The following ESRRG variants were observed in gnomAD, a reference collection of about 807,000 sequenced individuals.
The protein encoded by ESRRG is estrogen related receptor gamma.
In ESRRG, 13 loss-of-function variants were observed where a neutral mutation model predicts 44.0. The ratio of observed to expected loss-of-function variants is 0.30; its 90% CI spans 0.19 to 0.47. The LOEUF (loss-of-function observed/expected upper bound fraction) is 0.47, where lower values mean the gene tolerates loss of function less well. Ranked by LOEUF, ESRRG falls within the 20% of genes least tolerant of loss-of-function variation. ESRRG has a pLI of 1.00. For missense variants in ESRRG, 395 were observed against 580.6 expected (o/e 0.68, Z 3.29); for synonymous variants, 215 against 214.6 (o/e 1.00, Z -0.02).
intron 2 of ESRRG, among the ~76,000 whole-genome samples, chr1:216,759,421 A>G (rs1340236403): frequency 6.6e-6 from 1 of 152,060 alleles, no homozygotes; most frequent in Non-Finnish European, 1.5e-5. Context: ...AAACCTCCTA[A>G]GGGTCTCCTC....
At chr1:217,076,865 C>T (rs1214455003) in intron 1 of ESRRG, 1 of 152,196 alleles carries the variant, frequency 6.6e-6, no homozygotes, top group African/African-American at 2.4e-5. Flanking sequence ...TGAAAATCCA[C>T]AAGTCACCAC....
chr1:216,931,230 A>G (rs1313019330), intron 2 of ESRRG, among the ~76,000 whole-genome samples: 1 of 152,104 alleles, frequency 6.6e-6, no homozygotes. Flanking sequence ...TCCATCCCTA[A>G]TCATTTTGGG....
intron 1 of ESRRG, among the ~76,000 whole-genome samples, chr1:216,981,601 T>C (rs892580098): frequency 2.6e-5 from 4 of 152,312 alleles, no homozygotes; most frequent in Middle Eastern, 3.4e-3. Flanking sequence ...CAACAAATTA[T>C]AGAAAGAAAT....
intron 2 of ESRRG, among the ~76,000 whole-genome samples, chr1:216,785,697 G>GA (rs2094103651): frequency 6.6e-6 from 1 of 151,588 alleles, no homozygotes; most frequent in South Asian, 2.1e-4. Context: ...ATCACTGTTT[G>GA]TTTTTTTTGC....
At chr1:217,046,432 T>C (rs1056310567) in intron 1 of ESRRG, among the ~76,000 whole-genome samples, 1 of 152,208 alleles carries the variant, frequency 6.6e-6, no homozygotes, top group Non-Finnish European at 1.5e-5. Flanking sequence ...TTGATGGCTT[T>C]CCATTACCCA....
At chr1:217,064,803 AGG>A in intron 1 of ESRRG, among the ~76,000 whole-genome samples, 1 of 152,322 alleles carries the variant, frequency 6.6e-6, no homozygotes, top group South Asian at 2.1e-4. Context: ...AAGGGGATAA[AGG>A]ACATGTGAAA....
At chr1:216,851,935 T>C (rs1248454492) in intron 2 of ESRRG, among the ~76,000 whole-genome samples, 1 of 151,286 alleles carries the variant, frequency 6.6e-6, no homozygotes, top group Non-Finnish European at 1.5e-5. Flanking sequence ...AAAAAAAAAA[T>C]CACCAAATGG....
At chr1:217,042,788 CA>C (rs1356809038) in intron 1 of ESRRG, among the ~76,000 whole-genome samples, 1 of 151,940 alleles carries the variant, frequency 6.6e-6, no homozygotes, top group Non-Finnish European at 1.5e-5. Context: ...ATAAAGCAGC[CA>C]GTAAGCTCTG....
intron 3 of ESRRG, among the ~76,000 whole-genome samples, chr1:216,634,944 TTTTC>T (rs1285010042): frequency 1.3e-5 from 2 of 152,136 alleles, no homozygotes; most frequent in Admixed American, 6.6e-5. Flanking sequence ...AAGCCTATTT[TTTTC>T]TTTCTTTGTT....
intron 1 of ESRRG, among the ~76,000 whole-genome samples, chr1:217,074,426 C>A (rs1343746628): frequency 1.4e-5 from 2 of 141,566 alleles, no homozygotes; most frequent in Non-Finnish European, 3.1e-5. Context: ...GCCTCAATAC[C>A]CACAGTATCA....
chr1:216,538,522 G>T (rs2032036), intron 5 of ESRRG, among the ~76,000 whole-genome samples: 3 of 151,864 alleles, frequency 2.0e-5, no homozygotes, highest in African/African-American at 4.8e-5. Flanking sequence ...CACTGCTACC[G>T]CACAGCCAGA....
At chr1:217,120,816 C>CA (rs2092808943) in intron 1 of ESRRG, among the ~76,000 whole-genome samples, 3 of 152,258 alleles carry the variant, frequency 2.0e-5, no homozygotes, top group Admixed American at 2.0e-4. Flanking sequence ...ATAATGGACT[C>CA]AAAATTGTAC....
chr1:216,585,367 T>C (rs942981081), intron 3 of ESRRG, among the ~76,000 whole-genome samples: 1 of 152,222 alleles, frequency 6.6e-6, no homozygotes, highest in African/African-American at 2.4e-5. Flanking sequence ...AAATTTAAGC[T>C]GCAGTCTCTA....
intron 3 of ESRRG, among the ~76,000 whole-genome samples, chr1:216,605,478 C>T (rs2059808066): frequency 6.6e-6 from 1 of 152,128 alleles, no homozygotes; most frequent in African/African-American, 2.4e-5. Flanking sequence ...GAGAATGTCT[C>T]TCAGGAATGA....
chr1:217,018,429 C>G (rs1405266049), intron 1 of ESRRG, among the ~76,000 whole-genome samples: 2 of 152,130 alleles, frequency 1.3e-5, no homozygotes, highest in Non-Finnish European at 2.9e-5. Flanking sequence ...CTGCTAAAAT[C>G]TTTCAATGCC....
At position 216,875,627 on chromosome 1, in the gene ESRRG, ATTTAT is replaced by A. The variant is rs1363834943; in HGVS notation, c.-14+63950_-14+63954del. Among the ~76,000 whole-genome samples the A allele has an allele frequency of 5.9e-5, 9 of 152,100 alleles. No individual in the cohort carries two copies. The East Asian group carries it at 1.2e-3, about 20-fold the overall frequency. On this transcript the variant is annotated intron_variant, in intron 2 of 7. Transcript: ENST00000359162. ...TAGTATTCCTATATATGAATTCTAT[ATTTAT>A]ATTATATTTATTTATATTCATTTAT...
At chr1:216,797,555 A>G (rs1454714279) in intron 2 of ESRRG, among the ~76,000 whole-genome samples, 1 of 151,426 alleles carries the variant, frequency 6.6e-6, no homozygotes, top group African/African-American at 2.4e-5. Flanking sequence ...AAAGGGGGGA[A>G]AAAAATCCCA....
chr1:217,066,088 T>C (rs2089609277), intron 1 of ESRRG, among the ~76,000 whole-genome samples: 1 of 152,176 alleles, frequency 6.6e-6, no homozygotes. Context: ...TTTAGTAAGC[T>C]CTCTATAAGT....
chr1:216,537,865 C>T (rs1308107700), intron 5 of ESRRG, among the ~76,000 whole-genome samples: 3 of 152,084 alleles, frequency 2.0e-5, no homozygotes, highest in Non-Finnish European at 2.9e-5. Context: ...CATTTGAGAA[C>T]TTAGAATTTA....
Sources: gnomAD v4.1 joint callset for allele counts (sites outside exome capture counted in the v4.1 genomes callset) on GRCh38, gnomAD v4.1.1 for gene constraint, MANE v1.5 for transcripts, NCBI Gene and HGNC (gene_info 2026-07-23, HGNC 2026-07-21) for gene names.